The following CHLSN variants were observed in gnomAD, a reference collection of about 807,000 sequenced individuals.
CHLSN encodes protein cholesin.
chr7:1,091,645 CTTCT>C, the CHLSN span: 1 of 1,032,536 alleles, frequency 9.7e-7, no homozygotes, highest in South Asian at 1.6e-5. Flanking sequence ...GAGAATCACG[CTTCT>C]TTCTAAAGAT....
At chr7:1,027,446 C>T in the CHLSN span, among the ~76,000 whole-genome samples, 1 of 152,206 alleles carries the variant, frequency 6.6e-6, no homozygotes, top group Non-Finnish European at 1.5e-5. Flanking sequence ...AGGACCAGCA[C>T]GGGGCCGCCA....
At chr7:984,206 A>G in the CHLSN span, among the ~76,000 whole-genome samples, 1 of 152,180 alleles carries the variant, frequency 6.6e-6, no homozygotes, top group Non-Finnish European at 1.5e-5. Context: ...CAAGCACCAG[A>G]TGGCGAGAGG....
chr7:1,136,246 T>TAAATATATATAAACATATATAAATATATA, the CHLSN span, among the ~76,000 whole-genome samples: 1 of 116,970 alleles, frequency 8.5e-6, no homozygotes, highest in African/African-American at 3.5e-5. Context: ...AAAATATATA[T>TAAATATATATAAACATATATAAATATATA]AAATATATAT....
chr7:1,092,706 T>C, the CHLSN span: 5 of 1,613,346 alleles, frequency 3.1e-6, no homozygotes, highest in Non-Finnish European at 3.4e-6. Context: ...TCTACAGCTT[T>C]CTCGGGGAGA....
At chr7:1,046,033 C>T in the CHLSN span, among the ~76,000 whole-genome samples, 1 of 152,202 alleles carries the variant, frequency 6.6e-6, no homozygotes, top group Non-Finnish European at 1.5e-5. Flanking sequence ...GCAAAGGGCG[C>T]GCACCTCATG....
At chr7:999,020 T>C in the CHLSN span, among the ~76,000 whole-genome samples, 7 of 152,212 alleles carry the variant, frequency 4.6e-5, no homozygotes, top group African/African-American at 1.7e-4. Flanking sequence ...AATGTATAAG[T>C]AAAATGCACA....
the CHLSN span, among the ~76,000 whole-genome samples, chr7:1,094,041 C>T: frequency 4.6e-5 from 7 of 152,372 alleles, no homozygotes; most frequent in South Asian, 2.1e-4. Flanking sequence ...GGTGCCATGA[C>T]AAGCTTCCCA....
the CHLSN span, among the ~76,000 whole-genome samples, chr7:1,134,309 C>A: frequency 6.6e-6 from 1 of 152,070 alleles, no homozygotes; most frequent in Non-Finnish European, 1.5e-5. Context: ...CGCAGTGGCT[C>A]ACACCTGTAA....
At chr7:978,974 G>A in the CHLSN span, among the ~76,000 whole-genome samples, 2 of 152,298 alleles carry the variant, frequency 1.3e-5, no homozygotes, top group African/African-American at 2.4e-5. Context: ...CCACGGTTCC[G>A]TGGGCCTGGG....
At chr7:1,066,690 C>A in the CHLSN span, among the ~76,000 whole-genome samples, 1 of 152,336 alleles carries the variant, frequency 6.6e-6, no homozygotes, top group East Asian at 1.9e-4. Context: ...CCCCAGCTGT[C>A]TGCCAGGGGC....
the CHLSN span, among the ~76,000 whole-genome samples, chr7:994,214 A>G: frequency 1.8e-3 from 274 of 152,166 alleles, 2 homozygotes; most frequent in African/African-American, 6.1e-3. Context: ...CTGGAGTGCA[A>G]TGGCACGATC....
At chr7:1,097,829 G>A in the CHLSN span, among the ~76,000 whole-genome samples, 66 of 152,306 alleles carry the variant, frequency 4.3e-4, no homozygotes, top group South Asian at 2.5e-3. The surrounding 1 kb of genome is among the most constrained non-coding windows in gnomAD (Gnocchi z 4.3). Flanking sequence ...ATCTAGGAAC[G>A]CACAGCCTGA....
At chr7:1,121,404 G>A in the CHLSN span, among the ~76,000 whole-genome samples, 1 of 152,206 alleles carries the variant, frequency 6.6e-6, no homozygotes, top group Non-Finnish European at 1.5e-5. Context: ...CACTGCCAGG[G>A]CAGTAATGCT....
the CHLSN span, chr7:1,000,565 G>A: frequency 6.3e-7 from 1 of 1,596,132 alleles, no homozygotes; most frequent in Admixed American, 1.7e-5. Flanking sequence ...GGGAAAGAAA[G>A]ACAAACATCT....
the CHLSN span, chr7:1,086,664 C>T: frequency 1.3e-5 from 2 of 152,106 alleles, no homozygotes; most frequent in Non-Finnish European, 2.9e-5. Context: ...ACCAGCTCTC[C>T]TGGCGGGGAG....
the CHLSN span, among the ~76,000 whole-genome samples, chr7:1,124,562 GGGGT>G: frequency 5.5e-3 from 582 of 106,600 alleles, 7 homozygotes; most frequent in African/African-American, 0.028. Context: ...AGGCAGTCGG[GGGGT>G]GGGGGGGGAG....
the CHLSN span, among the ~76,000 whole-genome samples, chr7:1,098,917 G>A: frequency 6.6e-6 from 1 of 152,240 alleles, no homozygotes; most frequent in Non-Finnish European, 1.5e-5. Context: ...GGCGATGGCT[G>A]CACAAGTCTG....
chr7:1,030,144 C>T, the CHLSN span, among the ~76,000 whole-genome samples: 6 of 152,198 alleles, frequency 3.9e-5, no homozygotes, highest in Non-Finnish European at 8.8e-5. Flanking sequence ...AGCATGAATG[C>T]GCCAGCCCAC....
the CHLSN span, among the ~76,000 whole-genome samples, chr7:1,006,184 A>C: frequency 2.0e-5 from 3 of 152,186 alleles, no homozygotes; most frequent in Non-Finnish European, 2.9e-5. Context: ...CAGCACTCCC[A>C]AACTTCCGCC....
Sources: gnomAD v4.1 joint callset for allele counts (sites outside exome capture counted in the v4.1 genomes callset) on GRCh38, gnomAD v4.1.1 for gene constraint, Gnocchi (gnomAD v3.1) non-coding constraint, MANE v1.5 for transcripts, NCBI Gene and HGNC (gene_info 2026-07-23, HGNC 2026-07-21) for gene names.